YJU2B: variants seen among roughly 807,000 people sequenced by gnomAD.
The protein encoded by YJU2B is YJU2 splicing factor homolog B.
A neutral mutation model predicts 38.0 loss-of-function variants in YJU2B; 18 were observed. That is an observed-to-expected ratio of 0.47 (90% CI 0.33 to 0.70). The LOEUF is 0.70. Ranked by LOEUF, YJU2B falls within the 30% of genes least tolerant of loss-of-function variation. YJU2B has a pLI of 0.02. For missense variants in YJU2B, 538 were observed against 556.3 expected (o/e 0.97, Z 0.33); for synonymous variants, 246 against 225.4 (o/e 1.09, Z -0.82).
Position 13,762,993 on chromosome 19 carries a change from C to T in YJU2B, c.1116C>T (p.Asp372=). 6.2e-7 allele frequency: 1 copy of T among 1,607,160 alleles called. No homozygotes were observed. Among genetic ancestry groups the T allele is most frequent in the Non-Finnish European group, 8.5e-7 (1 of 1,176,798 alleles). The stretch of plus-strand genomic sequence containing the variant: ...CAGGCTCCTCCCAGGAGGCAGCTGA[C>T]ACCCCCGACACGCGGCACCCCTGCA... ...SPAGSSQEAA[D]TPDTRHPCSL... is the part of the protein sequence containing the mutation. The change falls in exon 10 of 10, where the codon GAC becomes GAT. Residue 372 remains aspartate, a synonymous_variant. Transcript: ENST00000221554.
At chr19:13,751,974 C>T (rs1233041803) in intron 2 of YJU2B, among the ~76,000 whole-genome samples, 163 bp downstream of exon 2, 1 of 152,128 alleles carries the variant, frequency 6.6e-6, no homozygotes, top group South Asian at 2.1e-4. Context: ...GCTAACATCA[C>T]CCATGGGCAC....
At chr19:13,755,163 CAAAAA>C (rs1043821281) in intron 3 of YJU2B, among the ~76,000 whole-genome samples, 3 of 57,262 alleles carry the variant, frequency 5.2e-5, no homozygotes, top group Admixed American at 2.0e-4. Context: ...GACCCTGCCT[CAAAAA>C]AAAAAAAAAA....
chr19:13,760,413 G>A (rs1329424862), intron 8 of YJU2B, among the ~76,000 whole-genome samples: 1 of 151,994 alleles, frequency 6.6e-6, no homozygotes, highest in Non-Finnish European at 1.5e-5. Context: ...TAATCTCATT[G>A]GTGAGGACGT....
upstream of YJU2B, among the ~76,000 whole-genome samples, chr19:13,743,468 T>C (rs560018662): frequency 6.7e-6 from 1 of 148,412 alleles, no homozygotes; most frequent in East Asian, 2.0e-4. Flanking sequence ...TGATCCTTGC[T>C]ACTCGGGAGG....
At chr19:13,756,065 C>G in intron 3 of YJU2B, 132 bp from the exon 4 acceptor site, 1 of 708,754 alleles carries the variant, frequency 1.4e-6, no homozygotes. Flanking sequence ...TATGAACACC[C>G]GTCCTGCAGG....
At chr19:13,751,985 T>C (rs547784265) in intron 2 of YJU2B, among the ~76,000 whole-genome samples, 174 bp downstream of exon 2, 2 of 152,168 alleles carry the variant, frequency 1.3e-5, no homozygotes, top group Non-Finnish European at 2.9e-5. Flanking sequence ...CCATGGGCAC[T>C]TTTTAAATGT....
chr19:13,735,847 TC>T (rs376364273), intron 2 of YJU2B, among the ~76,000 whole-genome samples: 2,878 of 152,102 alleles, frequency 0.019, 88 homozygotes, highest in African/African-American at 0.065. Context: ...GGTCAGGAGA[TC>T]GAGGCCATCC....
In YJU2B at chr19:13,757,769, G is replaced by A. The variant is rs372041643; in HGVS notation, c.197-17G>A. ...AGATGGCAATGAAATTACCACCCCC[G>A]CCTGACCCCCTTCCAGGTGTTCGTT... On this transcript the variant is annotated splice_polypyrimidine_tract_variant and intron_variant, in intron 5 of 9. Transcript: ENST00000221554. 61 of 1,613,480 alleles carry A rather than the reference G, an allele frequency of 3.8e-5. No homozygotes were observed. Among genetic ancestry groups the A allele is most frequent in the South Asian group, 1.6e-4 (15 of 91,068 alleles).
At chr19:13,749,849 G>A (rs1012909402) in intron 1 of YJU2B, among the ~76,000 whole-genome samples, 7 of 151,976 alleles carry the variant, frequency 4.6e-5, no homozygotes, top group African/African-American at 1.7e-4. Context: ...TTGCCAGGAT[G>A]GTCTCGATCT....
intron 2 of YJU2B, among the ~76,000 whole-genome samples, chr19:13,739,961 T>C (rs922655519): frequency 1.3e-5 from 2 of 152,124 alleles, no homozygotes; most frequent in African/African-American, 4.8e-5. Context: ...CGCGTTCTCA[T>C]TGTTCAACTC....
chr19:13,750,452 C>T (rs549582565), intron 1 of YJU2B, among the ~76,000 whole-genome samples: 3 of 152,122 alleles, frequency 2.0e-5, no homozygotes, highest in Non-Finnish European at 4.4e-5. Flanking sequence ...GTCTTGAACT[C>T]CTGACCTCAG....
chr19:13,745,435 G>A (rs1382852568), upstream of YJU2B, among the ~76,000 whole-genome samples: 1 of 151,978 alleles, frequency 6.6e-6, no homozygotes, highest in Non-Finnish European at 1.5e-5. Flanking sequence ...GGCCGAGGTG[G>A]GCAGATCACC....
At chr19:13,759,943 A>G (rs1973825944) in intron 8 of YJU2B, among the ~76,000 whole-genome samples, 1 of 151,982 alleles carries the variant, frequency 6.6e-6, no homozygotes, top group Admixed American at 6.6e-5. Context: ...GATTATAGGC[A>G]TGCACCATCA....
upstream of YJU2B, among the ~76,000 whole-genome samples, chr19:13,745,646 CATAGATAGATAGATAG>C (rs1555699801): frequency 1.7e-5 from 2 of 116,374 alleles, no homozygotes; most frequent in Admixed American, 9.6e-5. Context: ...AGCAAAACTC[CATAGATAGATAGATAG>C]ATAGATAGAT....
intron 1 of YJU2B, among the ~76,000 whole-genome samples, chr19:13,751,283 C>T (rs781437515): frequency 6.6e-6 from 1 of 152,018 alleles, no homozygotes; most frequent in Admixed American, 6.6e-5. Flanking sequence ...GGTGTGGTGG[C>T]GCACGCTTGT....
At position 13,762,821 on chromosome 19, in the gene YJU2B, A is replaced by T; in HGVS notation, c.944A>T (p.Lys315Met). ...ESPQHAADTP[K>M]SGEPRVPEEA... ...CCCCAGCATGCGGCCGACACCCCCAAGTCTGGGGAACCGCGGGTACCAGAG... is the reference window on the plus strand; with the variant it reads ...CCCCAGCATGCGGCCGACACCCCCATGTCTGGGGAACCGCGGGTACCAGAG... The change falls in exon 10 of 10, where the codon AAG becomes ATG. Residue 315 changes from lysine to methionine, a missense_variant. Physicochemically the swap from Lys to Met is moderately conservative, Grantham distance 95. Coordinates refer to ENST00000221554, the MANE Select transcript of YJU2B (RefSeq NM_030818.4). 1.9e-6 allele frequency: 3 copies of T among 1,604,538 alleles called. No individual in the cohort carries two copies. Among genetic ancestry groups the T allele is most frequent in the Non-Finnish European group, 2.6e-6 (3 of 1,176,406 alleles).
intron 2 of YJU2B, among the ~76,000 whole-genome samples, chr19:13,732,998 C>T (rs540734117): frequency 2.7e-5 from 4 of 150,376 alleles, no homozygotes; most frequent in South Asian, 2.1e-4. Context: ...GGCGCGATCT[C>T]GGCTCACTGC....
At chr19:13,752,160 G>T (rs1255523789) in intron 2 of YJU2B, among the ~76,000 whole-genome samples, 1 of 151,682 alleles carries the variant, frequency 6.6e-6, no homozygotes, top group Non-Finnish European at 1.5e-5. Flanking sequence ...TTGCCATGTT[G>T]GTCAGGCTGG....
intron 6 of YJU2B, 68 bp from the exon 7 acceptor site, chr19:13,758,800 C>T: frequency 1.0e-5 from 16 of 1,559,832 alleles, no homozygotes; most frequent in Admixed American, 3.8e-5. Flanking sequence ...AGGAAGCAGG[C>T]AGAGGCGACA....
Sources: gnomAD v4.1 joint callset for allele counts (sites outside exome capture counted in the v4.1 genomes callset) on GRCh38, gnomAD v4.1.1 for gene constraint, MANE v1.5 for transcripts, NCBI Gene and HGNC (gene_info 2026-07-23, HGNC 2026-07-21) for gene names.